The following KDM4C variants were observed in gnomAD, a reference collection of about 807,000 sequenced individuals.
KDM4C encodes lysine demethylase 4C.
A neutral mutation model predicts 129.3 loss-of-function variants in KDM4C; 81 were observed. That is an observed-to-expected ratio of 0.63 (90% CI 0.52 to 0.75). The LOEUF (loss-of-function observed/expected upper bound fraction) is 0.75. KDM4C is among the 30% of genes least tolerant of loss of function. The probability of loss-of-function intolerance (pLI) is 0.00; values close to 1 mark genes in which losing one functional copy is unlikely to be tolerated. For synonymous variants in KDM4C, 573 were observed against 456.1 expected (o/e 1.26, Z -3.26); for missense variants, 1,457 against 1,304.0 (o/e 1.12, Z -1.81).
At chr9:7,077,120 A>G (rs1448628346) in intron 17 of KDM4C, 2 of 985,456 alleles carry the variant, frequency 2.0e-6, no homozygotes, top group Middle Eastern at 5.2e-4. Context: ...CTATCGAAAC[A>G]GATGTGGACA....
chr9:6,883,256 T>G (rs1024159033), intron 6 of KDM4C, among the ~76,000 whole-genome samples: 4 of 152,194 alleles, frequency 2.6e-5, no homozygotes, highest in Non-Finnish European at 5.9e-5. Context: ...TATATTGAAA[T>G]GTCTAGTTTT....
chr9:6,760,539 CTTTTT>C (rs964868750), intron 1 of KDM4C, among the ~76,000 whole-genome samples: 4 of 141,720 alleles, frequency 2.8e-5, no homozygotes, highest in Non-Finnish European at 6.1e-5. Flanking sequence ...GGGTGATACT[CTTTTT>C]TATTTATTTA....
chr9:6,808,837 T>C (rs150736490), intron 3 of KDM4C, among the ~76,000 whole-genome samples: 2,900 of 152,174 alleles, frequency 0.019, 78 homozygotes, highest in African/African-American at 0.061. Context: ...TCAATGAATT[T>C]GTGGGCATAT....
chr9:7,017,243 C>G (rs1823864873), intron 15 of KDM4C, among the ~76,000 whole-genome samples: 1 of 152,186 alleles, frequency 6.6e-6, no homozygotes, highest in African/African-American at 2.4e-5. Context: ...GACATCATAT[C>G]TAACTTTTCA....
intron 17 of KDM4C, among the ~76,000 whole-genome samples, chr9:7,083,986 CA>C (rs1564095401): frequency 6.6e-6 from 1 of 152,116 alleles, no homozygotes; most frequent in African/African-American, 2.4e-5. Context: ...CAGAGTTACT[CA>C]AATTATCATC....
chr9:6,720,988 G>A (rs1296788130), exon 1 of KDM4C: 3 of 1,551,460 alleles, frequency 1.9e-6, no homozygotes, highest in Non-Finnish European at 2.6e-6. Context: ...GACTGAAGAA[G>A]CAGCTGCAGG....
At chr9:7,014,941 CACACACACACA>C (rs1390926892) in intron 14 of KDM4C, among the ~76,000 whole-genome samples, 5 of 151,482 alleles carry the variant, frequency 3.3e-5, no homozygotes. Context: ...CACACACACA[CACACACACACA>C]CCTTACATTA....
intron 1 of KDM4C, among the ~76,000 whole-genome samples, chr9:6,780,626 G>A (rs914056953): frequency 6.6e-6 from 1 of 151,836 alleles, no homozygotes; most frequent in African/African-American, 2.4e-5. Context: ...AATTAGCCGG[G>A]TGTGATACTG....
At chr9:6,917,781 C>G (rs905827230) in intron 8 of KDM4C, among the ~76,000 whole-genome samples, 2 of 152,186 alleles carry the variant, frequency 1.3e-5, no homozygotes, top group African/African-American at 4.8e-5. Context: ...TCCTACCTAT[C>G]AGTCCCGGTG....
At chr9:6,875,752 G>A (rs142344500) in intron 5 of KDM4C, among the ~76,000 whole-genome samples, 268 of 152,156 alleles carry the variant, frequency 1.8e-3, no homozygotes, top group African/African-American at 6.0e-3. Flanking sequence ...ATAGGTCTTA[G>A]CAATATCTGT....
At chr9:7,148,194 T>C (rs543781512) in intron 19 of KDM4C, among the ~76,000 whole-genome samples, 3 of 152,204 alleles carry the variant, frequency 2.0e-5, no homozygotes, top group Non-Finnish European at 4.4e-5. Context: ...GCCCAAAAGC[T>C]TGGAGACGCC....
At chr9:6,808,497 A>G (rs1830542333) in intron 3 of KDM4C, among the ~76,000 whole-genome samples, 1 of 143,404 alleles carries the variant, frequency 7.0e-6, no homozygotes, top group African/African-American at 2.7e-5. Flanking sequence ...TGAAGGCAGC[A>G]TGCTCGTTAA....
intron 17 of KDM4C, chr9:7,077,277 C>G: frequency 2.1e-6 from 2 of 962,780 alleles, no homozygotes; most frequent in South Asian, 4.8e-5. Flanking sequence ...TGGATTAGTG[C>G]TTGTAATTTG....
intron 18 of KDM4C, among the ~76,000 whole-genome samples, chr9:7,109,703 T>C (rs543076531): frequency 6.6e-6 from 1 of 152,306 alleles, no homozygotes; most frequent in South Asian, 2.1e-4. Context: ...TATGAGCCCA[T>C]TGCGTACCAG....
At chr9:6,934,776 T>C (rs1455883056) in intron 8 of KDM4C, among the ~76,000 whole-genome samples, 1 of 152,116 alleles carries the variant, frequency 6.6e-6, no homozygotes, top group Non-Finnish European at 1.5e-5. Context: ...CTAATTTTCA[T>C]TGAGAACTTT....
chr9:7,008,427 C>T (rs1230849550), intron 12 of KDM4C, among the ~76,000 whole-genome samples: 1 of 152,166 alleles, frequency 6.6e-6, no homozygotes, highest in Admixed American at 6.5e-5. Context: ...CATTTGCAGT[C>T]CCAGACTCCA....
rs576917275 is a variant in KDM4C at position 6,732,166 on chromosome 9, A to G, written c.49+11169A>G. 4.7e-4 allele frequency among the ~76,000 whole-genome samples: 72 copies of G among 151,664 alleles called. 1 individual carries two copies. The South Asian group carries it at 0.014, about 29-fold the overall frequency. ...CGGATCACGAGGTCAGGAGATTGAG[A>G]CCATCCTGGCTAACACAGTGAAACC... On this transcript the variant is annotated intron_variant, in intron 1 of 17. Coordinates refer to the KDM4C transcript ENST00000536108.
chr9:7,146,290 CCTT>C (rs1255389302), intron 19 of KDM4C, among the ~76,000 whole-genome samples: 1 of 152,132 alleles, frequency 6.6e-6, no homozygotes, highest in East Asian at 1.9e-4. Flanking sequence ...AACTTTATCA[CCTT>C]CTTATAGTTT....
chr9:7,036,801 G>C (rs567348625), intron 15 of KDM4C, among the ~76,000 whole-genome samples: 3 of 152,266 alleles, frequency 2.0e-5, no homozygotes, highest in East Asian at 3.9e-4. Flanking sequence ...GTGAGGGCAG[G>C]ATCTTTGTCA....
Sources: allele counts gnomAD v4.1 joint callset (sites outside exome capture counted in the v4.1 genomes callset), GRCh38; gene constraint gnomAD v4.1.1; transcripts MANE v1.5; gene names NCBI Gene and HGNC (gene_info 2026-07-23, HGNC 2026-07-21).